Variants in THTPA observed in about 807,000 individuals in gnomAD.
The protein encoded by THTPA is thiamine-triphosphatase.
Under a neutral mutation model 16.5 loss-of-function variants are expected in THTPA, and 16 were observed. The observed-to-expected ratio is 0.97, with a 90% CI of 0.66 to 1.47. The LOEUF is 1.47. Among genes scored for constraint, THTPA ranks in the 40% most tolerant of loss-of-function variants. THTPA has a pLI of 0.00. For synonymous variants in THTPA, 110 were observed against 115.5 expected (o/e 0.95, Z 0.30); for missense variants, 281 against 280.9 (o/e 1.00, Z 0.00).
At chr14:23,548,277 C>G in the THTPA span, 1 of 152,264 alleles carries the variant, frequency 6.6e-6, no homozygotes, top group Admixed American at 6.5e-5. Context: ...CTGTCAGGCT[C>G]TAGCAAACCT....
At chr14:23,539,827 G>GC in the THTPA span, among the ~76,000 whole-genome samples, 1 of 152,186 alleles carries the variant, frequency 6.6e-6, no homozygotes, top group Non-Finnish European at 1.5e-5. Context: ...AGTTGGCAGG[G>GC]CTAATGGGAC....
At chr14:23,522,794 G>A in the THTPA span, 1 of 1,536,242 alleles carries the variant, frequency 6.5e-7, no homozygotes, top group African/African-American at 1.4e-5. Flanking sequence ...GCCTGGGACA[G>A]GGTCAGTGGT....
the THTPA span, chr14:23,531,192 C>T: frequency 1.0e-5 from 3 of 297,810 alleles, no homozygotes; most frequent in Admixed American, 5.2e-5. Flanking sequence ...ATTACCAGGA[C>T]ACTAGTCACT....
chr14:23,525,008 T>C, the THTPA span: 2 of 1,536,186 alleles, frequency 1.3e-6, no homozygotes, highest in Non-Finnish European at 8.7e-7. The surrounding 1 kb of genome is among the most constrained non-coding windows in gnomAD (Gnocchi z 5.9). Context: ...CTGGCGGGCA[T>C]TCTGGAACCA....
At chr14:23,544,627 T>C in the THTPA span, among the ~76,000 whole-genome samples, 348 of 152,290 alleles carry the variant, frequency 2.3e-3, no homozygotes, top group African/African-American at 8.0e-3. Flanking sequence ...TGAGCCCGTA[T>C]GTGGTTGGCC....
At chr14:23,553,276 CTG>C (rs1423432280), upstream of THTPA, among the ~76,000 whole-genome samples, 6 of 152,218 alleles carry the variant, frequency 3.9e-5, no homozygotes, top group Non-Finnish European at 1.5e-5. Context: ...TCACAGGTAA[CTG>C]TGAGGCAGGC....
upstream of THTPA, among the ~76,000 whole-genome samples, chr14:23,551,176 C>T (rs1881916461): frequency 6.6e-6 from 1 of 151,988 alleles, no homozygotes; most frequent in African/African-American, 2.4e-5. The surrounding 1 kb of genome is among the most constrained non-coding windows in gnomAD (Gnocchi z 5.3). Flanking sequence ...TCCGTCCGTC[C>T]TTGTCCCCTC....
the THTPA span, chr14:23,533,034 C>A: frequency 4.6e-6 from 7 of 1,535,388 alleles, no homozygotes; most frequent in Non-Finnish European, 4.4e-6. This position sits in a 1 kb window ranked among gnomAD's most constrained non-coding sequence, Gnocchi z 4.8. Flanking sequence ...GATGAGGAAC[C>A]CAGGAGCTGA....
At position 23,559,559 on chromosome 14, in the gene THTPA, C is replaced by G. The variant is rs1374785893; in HGVS notation, c.*719C>G. 4 of 594,960 alleles carry G rather than the reference C, an allele frequency of 6.7e-6. No homozygotes were observed. Among genetic ancestry groups the G allele is most frequent in the Non-Finnish European group, 9.1e-6 (3 of 331,242 alleles). The allele number at this position is 594,960 out of a possible 1,614,324, so 36.9% of individuals were successfully genotyped here. On this transcript the variant is annotated 3_prime_UTR_variant, in exon 2 of 2. Transcript: ENST00000288014. ...ATACACACTTTCCACTTCAAATATACCCAAATATGGCTTTCCTCACTTCTC... is the reference window on the plus strand; with the variant it reads ...ATACACACTTTCCACTTCAAATATAGCCAAATATGGCTTTCCTCACTTCTC...
At chr14:23,544,551 ATGTACACG>A in the THTPA span, among the ~76,000 whole-genome samples, 7 of 152,108 alleles carry the variant, frequency 4.6e-5, no homozygotes, top group Non-Finnish European at 1.0e-4. Flanking sequence ...CAGGCCCTCC[ATGTACACG>A]TGTGTGGGCC....
At chr14:23,519,215 A>C in the THTPA span, among the ~76,000 whole-genome samples, 1 of 152,134 alleles carries the variant, frequency 6.6e-6, no homozygotes, top group Non-Finnish European at 1.5e-5. Flanking sequence ...GTTCAAACTG[A>C]AGTTGGCTGA....
chr14:23,519,654 A>G, the THTPA span, among the ~76,000 whole-genome samples: 1 of 152,106 alleles, frequency 6.6e-6, no homozygotes, highest in South Asian at 2.1e-4. Flanking sequence ...CTAATTTGTT[A>G]GAGTTGGAGT....
chr14:23,512,940 T>C, the THTPA span: 1 of 151,722 alleles, frequency 6.6e-6, no homozygotes, highest in African/African-American at 2.4e-5. Context: ...GAGGACCCTG[T>C]TTTCCTCTTT....
At chr14:23,545,795 C>T in the THTPA span, among the ~76,000 whole-genome samples, 5 of 152,234 alleles carry the variant, frequency 3.3e-5, no homozygotes, top group East Asian at 9.6e-4. Flanking sequence ...AGACCCATGC[C>T]CATGGCCCAG....
the THTPA span, chr14:23,522,168 T>C: frequency 1.3e-6 from 2 of 1,499,576 alleles, no homozygotes; most frequent in Non-Finnish European, 1.8e-6. Flanking sequence ...TCACGCCCAC[T>C]CAGCAGCACC....
the THTPA span, among the ~76,000 whole-genome samples, chr14:23,515,336 T>C: frequency 3.3e-5 from 5 of 152,178 alleles, no homozygotes; most frequent in South Asian, 4.1e-4. Flanking sequence ...TATTCAATAA[T>C]AGTCCTAGAA....
Position 23,556,860 on chromosome 14 carries a change from T to C in THTPA, c.103T>C (p.Phe35Leu). ...GGGCACCCTGGAGTACCGGGTCACCTTCCGAGACACCTACTATGACACCCC... is the reference window on the plus strand; with the variant it reads ...GGGCACCCTGGAGTACCGGGTCACCCTCCGAGACACCTACTATGACACCCC... ...LGGTLEYRVT[F>L]RDTYYDTPEL... Residue 35 changes from phenylalanine (F) to leucine (L), a missense_variant, in exon 1 of 2, where the codon TTC (phenylalanine) becomes CTC (leucine). Phe to Leu is a conservative substitution (Grantham distance 22, BLOSUM62 0). Coordinates refer to ENST00000288014, the MANE Select transcript of THTPA (RefSeq NM_024328.6). 2 of 1,613,286 alleles carry C rather than the reference T, an allele frequency of 1.2e-6. No homozygotes were observed. Among genetic ancestry groups the C allele is most frequent in the Non-Finnish European group, 1.7e-6 (2 of 1,179,610 alleles).
chr14:23,517,774 T>C, the THTPA span, among the ~76,000 whole-genome samples: 1 of 151,986 alleles, frequency 6.6e-6, no homozygotes, highest in African/African-American at 2.4e-5. Flanking sequence ...ACTGCTGCCA[T>C]CCCCCTGTCC....
At chr14:23,522,023 C>T in the THTPA span, 1 of 1,536,388 alleles carries the variant, frequency 6.5e-7, no homozygotes, top group Non-Finnish European at 8.7e-7. Flanking sequence ...GTGAGGTAAT[C>T]TTGCTTCCTC....
Sources: gnomAD v4.1 joint callset for allele counts (sites outside exome capture counted in the v4.1 genomes callset) on GRCh38, gnomAD v4.1.1 for gene constraint, Gnocchi (gnomAD v3.1) non-coding constraint, MANE v1.5 for transcripts, NCBI Gene and HGNC (gene_info 2026-07-23, HGNC 2026-07-21) for gene names.